Variants in SMG6 observed in about 807,000 individuals in gnomAD.
SMG6 encodes SMG6 nonsense mediated mRNA decay factor.
SMG6 carries 66 observed loss-of-function variants against 142.2 expected under a neutral mutation model. That is an observed-to-expected ratio of 0.46 (90% CI 0.38 to 0.57). The LOEUF (loss-of-function observed/expected upper bound fraction) is 0.57. Ranked by LOEUF, SMG6 falls within the 20% of genes least tolerant of loss-of-function variation. The pLI is 0.00. For synonymous variants in SMG6, 779 were observed against 702.4 expected (o/e 1.11, Z -1.72); for missense variants, 1,793 against 1,832.0 (o/e 0.98, Z 0.39).
intron 10 of SMG6, among the ~76,000 whole-genome samples, chr17:2,223,046 G>A (rs1167041695): frequency 1.3e-5 from 2 of 152,214 alleles, no homozygotes; most frequent in Admixed American, 6.5e-5. Context: ...TCCCTGGTGA[G>A]CTGGGCTCAT....
chr17:2,289,741 T>A (rs1386134148), intron 6 of SMG6, among the ~76,000 whole-genome samples: 1 of 151,748 alleles, frequency 6.6e-6, no homozygotes, highest in East Asian at 1.9e-4. Flanking sequence ...TGAAACCCCA[T>A]CTCTACTAAA....
At chr17:2,088,478 G>T in intron 13 of SMG6, 1 of 985,436 alleles carries the variant, frequency 1.0e-6, no homozygotes, top group Non-Finnish European at 1.2e-6. Context: ...CTTGGGGATT[G>T]TGTCTGTCAT....
At chr17:2,106,084 AAGG>A (rs1453329887) in intron 13 of SMG6, among the ~76,000 whole-genome samples, 1 of 152,214 alleles carries the variant, frequency 6.6e-6, no homozygotes, top group East Asian at 1.9e-4. Context: ...AGAAGGTATG[AAGG>A]AGGAGAAGAG....
rs561519504 is a variant in SMG6 at position 2,204,842 on chromosome 17, A to G, written c.2870-16327T>C. On this transcript the variant is annotated intron_variant, in intron 10 of 18. Coordinates refer to ENST00000263073, the MANE Select transcript of SMG6 (RefSeq NM_017575.5). Reference sequence around the variant, plus strand: ...GCCAGACGTAGTGGCACGTGCCTATAACCCCAGCTAATCAGGAGGCTTAGG... The same window carrying G: ...GCCAGACGTAGTGGCACGTGCCTATGACCCCAGCTAATCAGGAGGCTTAGG... Among the ~76,000 whole-genome samples, 14 of 152,224 alleles carry G rather than the reference A, an allele frequency of 9.2e-5. No individual in the cohort carries two copies. In the East Asian group the frequency reaches 2.3e-3, roughly 25 times the overall value.
intron 12 of SMG6, among the ~76,000 whole-genome samples, chr17:2,184,834 A>T (rs1381823586): frequency 6.6e-6 from 1 of 150,986 alleles, no homozygotes; most frequent in South Asian, 2.1e-4. Flanking sequence ...GTGTGGTGGC[A>T]GGTGCCTGTA....
At chr17:2,128,943 A>G (rs1288178097) in intron 13 of SMG6, among the ~76,000 whole-genome samples, 1 of 152,220 alleles carries the variant, frequency 6.6e-6, no homozygotes, top group African/African-American at 2.4e-5. Context: ...AGAAAATGAA[A>G]GAAATATGTT....
intron 13 of SMG6, among the ~76,000 whole-genome samples, chr17:2,114,563 C>T (rs938983247): frequency 3.9e-5 from 6 of 152,036 alleles, no homozygotes; most frequent in Admixed American, 2.0e-4. Context: ...GAGACCTTAG[C>T]GGCAGTACCA....
At chr17:2,183,622 T>G (rs935597922) in intron 12 of SMG6, among the ~76,000 whole-genome samples, 1 of 152,216 alleles carries the variant, frequency 6.6e-6, no homozygotes, top group Non-Finnish European at 1.5e-5. Flanking sequence ...AAAATCTGAC[T>G]TTTATACAAT....
chr17:2,247,510 G>A (rs2073951320), intron 8 of SMG6, among the ~76,000 whole-genome samples: 1 of 152,118 alleles, frequency 6.6e-6, no homozygotes, highest in Non-Finnish European at 1.5e-5. Context: ...TTGTACAGCC[G>A]GGTGCAGTGG....
chr17:2,295,487 A>C (rs373690036), intron 4 of SMG6, among the ~76,000 whole-genome samples: 108 of 152,304 alleles, frequency 7.1e-4, no homozygotes, highest in South Asian at 5.2e-3. Context: ...CTACTGCTTT[A>C]TCTCTCTTCA....
At chr17:2,115,708 G>A (rs1393368375) in intron 13 of SMG6, among the ~76,000 whole-genome samples, 1 of 151,996 alleles carries the variant, frequency 6.6e-6, no homozygotes, top group Non-Finnish European at 1.5e-5. Context: ...ACTTGGAATA[G>A]GCAAACATTT....
At chr17:2,086,950 G>A (rs2068578484) in intron 13 of SMG6, 5 of 1,240,470 alleles carry the variant, frequency 4.0e-6, no homozygotes, top group Middle Eastern at 2.2e-4. Flanking sequence ...ACGTGCCACA[G>A]GGGACGGCCC....
chr17:2,242,056 G>A (rs1177518775), intron 9 of SMG6, among the ~76,000 whole-genome samples: 1 of 152,108 alleles, frequency 6.6e-6, no homozygotes, highest in Non-Finnish European at 1.5e-5. Flanking sequence ...CCTCACAGCA[G>A]AGTCATCTGG....
intron 13 of SMG6, among the ~76,000 whole-genome samples, chr17:2,142,676 G>C (rs537774558): frequency 6.6e-6 from 1 of 152,140 alleles, no homozygotes; most frequent in Admixed American, 6.5e-5. Flanking sequence ...CTGAGGCCAG[G>C]AGTTCGAGAC....
chr17:2,299,990 G>T lies in SMG6; in HGVS notation c.763C>A (p.Arg255Ser). 1.2e-6 allele frequency: 2 copies of T among 1,614,058 alleles called. No homozygotes were observed. The highest frequency in any genetic ancestry group is 1.7e-6 in the Non-Finnish European group (2 of 1,180,018). The change falls in exon 2 of 19, where the codon CGC becomes AGC. Residue 255 changes from arginine (R) to serine (S), a missense_variant. Arg to Ser is a moderately radical substitution (Grantham distance 110). Around this residue, in one of 3 missense-constraint regions of SMG6, gnomAD observed 1,597 missense variants for 1,584.6 expected, o/e 1.01. Coordinates refer to ENST00000263073, the MANE Select transcript of SMG6 (RefSeq NM_017575.5). The surrounding 1 kb of genome is among the most constrained non-coding windows in gnomAD (Gnocchi z 4.3). ...CCAGCTGAGCTGGTGCTGCGCGTGC[G>T]GTAGCGATTCCTTCGTTTGTCTGAG... is the stretch of plus-strand genomic sequence containing the variant. ...SRSDKRRNRY[R>S]TRSTSSAGSN...
chr17:2,078,962 C>T (rs1029913482), intron 15 of SMG6, among the ~76,000 whole-genome samples: 7 of 151,114 alleles, frequency 4.6e-5, no homozygotes, highest in African/African-American at 1.7e-4. Flanking sequence ...GAAGATAGGT[C>T]ATCGGTGATT....
intron 10 of SMG6, among the ~76,000 whole-genome samples, chr17:2,218,345 C>T (rs573617601): frequency 2.6e-5 from 4 of 152,186 alleles, no homozygotes; most frequent in African/African-American, 4.8e-5. Flanking sequence ...GCCAGGAGAT[C>T]GAGACCATCC....
intron 13 of SMG6, among the ~76,000 whole-genome samples, chr17:2,100,589 T>A (rs1326513712): frequency 6.6e-6 from 1 of 152,256 alleles, no homozygotes; most frequent in Non-Finnish European, 1.5e-5. Context: ...AACATTTTAT[T>A]CTATGAGACA....
intron 8 of SMG6, among the ~76,000 whole-genome samples, chr17:2,267,087 GAA>G (rs1236593177): frequency 2.0e-5 from 3 of 152,220 alleles, no homozygotes; most frequent in African/African-American, 7.2e-5. Context: ...CTTCCAGAGT[GAA>G]GAGTACAGCC....
Sources: gnomAD v4.1 joint callset for allele counts (sites outside exome capture counted in the v4.1 genomes callset) on GRCh38, gnomAD v4.1.1 for gene constraint, gnomAD v4.1.1 regional missense constraint, Gnocchi (gnomAD v3.1) non-coding constraint, MANE v1.5 for transcripts, NCBI Gene and HGNC (gene_info 2026-07-23, HGNC 2026-07-21) for gene names.